GALNT13: variants seen among roughly 807,000 people sequenced by gnomAD.
The protein encoded by GALNT13 is polypeptide N-acetylgalactosaminyltransferase 13.
In GALNT13, 28 loss-of-function variants were observed where a neutral mutation model predicts 64.2. That is an observed-to-expected ratio of 0.44 (90% CI 0.32 to 0.60). The LOEUF is 0.60. GALNT13 is among the 20% of genes least tolerant of loss of function. GALNT13 has a pLI of 0.05. For missense variants in GALNT13, 577 were observed against 669.8 expected (o/e 0.86, Z 1.53); for synonymous variants, 214 against 224.6 (o/e 0.95, Z 0.42).
intron 12 of GALNT13, among the ~76,000 whole-genome samples, chr2:154,447,889 A>G (rs899945316): frequency 3.3e-5 from 5 of 152,062 alleles, no homozygotes; most frequent in Admixed American, 1.3e-4. Flanking sequence ...GTGCCAAAAA[A>G]GGAAGCTTAG....
intron 9 of GALNT13, among the ~76,000 whole-genome samples, chr2:154,341,316 G>A (rs985496937): frequency 6.6e-5 from 10 of 152,036 alleles, no homozygotes; most frequent in Non-Finnish European, 1.3e-4. Flanking sequence ...CTATGCTCTT[G>A]TATAGAGTTC....
At chr2:153,868,878 T>C (rs919865042), upstream of GALNT13, among the ~76,000 whole-genome samples, 1 of 152,192 alleles carries the variant, frequency 6.6e-6, no homozygotes, top group African/African-American at 2.4e-5. Flanking sequence ...ACTTTCTGTT[T>C]GAAAAAATAT....
the GALNT13 span, among the ~76,000 whole-genome samples, chr2:153,511,388 C>T: frequency 6.6e-6 from 1 of 151,886 alleles, no homozygotes; most frequent in African/African-American, 2.4e-5. Flanking sequence ...GGATGGGTAA[C>T]AGGTGAGAAA....
intron 9 of GALNT13, among the ~76,000 whole-genome samples, chr2:154,388,751 A>G (rs1417142194): frequency 1.3e-5 from 2 of 152,162 alleles, no homozygotes; most frequent in Non-Finnish European, 2.9e-5. Context: ...GAAGTTCATA[A>G]TTACAATTAC....
At chr2:153,411,052 C>T in the GALNT13 span, among the ~76,000 whole-genome samples, 32 of 151,766 alleles carry the variant, frequency 2.1e-4, no homozygotes, top group Admixed American at 1.4e-3. Flanking sequence ...GATGAAGTTT[C>T]GCCATGTTGC....
At chr2:153,630,679 A>T in the GALNT13 span, among the ~76,000 whole-genome samples, 6 of 142,504 alleles carry the variant, frequency 4.2e-5, no homozygotes, top group East Asian at 2.1e-4. Flanking sequence ...TTAAAAAATT[A>T]AAAAAAATTA....
chr2:153,882,904 T>C (rs1212190322), intron 1 of GALNT13, among the ~76,000 whole-genome samples: 2 of 151,450 alleles, frequency 1.3e-5, no homozygotes, highest in African/African-American at 4.8e-5. Flanking sequence ...ATTTAAGATA[T>C]AATGTAGGAA....
At chr2:153,550,129 A>G in the GALNT13 span, among the ~76,000 whole-genome samples, 11 of 152,330 alleles carry the variant, frequency 7.2e-5, no homozygotes, top group African/African-American at 2.2e-4. Flanking sequence ...CTGGCTTCAC[A>G]AGATGGCAGC....
At chr2:153,085,786 C>A in the GALNT13 span, among the ~76,000 whole-genome samples, 2 of 152,124 alleles carry the variant, frequency 1.3e-5, no homozygotes, top group African/African-American at 4.8e-5. Context: ...TGGGGTATTG[C>A]CTAATGGAGC....
chr2:154,097,561 C>T (rs569757872), intron 3 of GALNT13, among the ~76,000 whole-genome samples: 17 of 151,970 alleles, frequency 1.1e-4, no homozygotes, highest in African/African-American at 3.6e-4. Context: ...TATTTTGCAA[C>T]TTAAAACTTT....
At chr2:154,314,812 C>A (rs1215127195) in intron 9 of GALNT13, among the ~76,000 whole-genome samples, 1 of 152,180 alleles carries the variant, frequency 6.6e-6, no homozygotes, top group East Asian at 1.9e-4. Context: ...CTACTTCCAA[C>A]ATTGGGGATC....
At chr2:154,099,422 T>G (rs978929534) in intron 3 of GALNT13, among the ~76,000 whole-genome samples, 13 of 152,292 alleles carry the variant, frequency 8.5e-5, no homozygotes, top group African/African-American at 3.1e-4. Context: ...TTTAGTTTAC[T>G]TAAGTCCCAT....
the GALNT13 span, among the ~76,000 whole-genome samples, chr2:153,307,197 A>C: frequency 6.6e-6 from 1 of 152,238 alleles, no homozygotes; most frequent in Admixed American, 6.5e-5. Context: ...AACCTGGAAC[A>C]AGTATTTGCA....
intron 9 of GALNT13, among the ~76,000 whole-genome samples, chr2:154,334,690 T>A (rs1695346069): frequency 6.6e-6 from 1 of 152,018 alleles, no homozygotes; most frequent in Non-Finnish European, 1.5e-5. Context: ...TTTGTGTATA[T>A]CTCTCCGTTC....
the GALNT13 span, among the ~76,000 whole-genome samples, chr2:153,133,515 C>G: frequency 2.6e-5 from 4 of 152,096 alleles, no homozygotes; most frequent in African/African-American, 9.6e-5. Flanking sequence ...TTCAATTTTT[C>G]TCACCCATTT....
intron 3 of GALNT13, among the ~76,000 whole-genome samples, chr2:153,983,877 T>C (rs1196459685): frequency 6.6e-6 from 1 of 151,934 alleles, no homozygotes; most frequent in Non-Finnish European, 1.5e-5. Context: ...CTGGAGAAAA[T>C]ACTGTGCTTC....
At chr2:153,091,735 G>T in the GALNT13 span, among the ~76,000 whole-genome samples, 4 of 152,152 alleles carry the variant, frequency 2.6e-5, no homozygotes, top group Non-Finnish European at 5.9e-5. Flanking sequence ...ATGTAGTCTG[G>T]TTATTAATCC....
intron 3 of GALNT13, among the ~76,000 whole-genome samples, chr2:154,125,172 A>AT (rs1682183527): frequency 6.6e-6 from 1 of 152,216 alleles, no homozygotes; most frequent in Non-Finnish European, 1.5e-5. Context: ...TGAGCACAGC[A>AT]TAAGTGTTAC....
chr2:153,956,138 A>T (rs886751449), intron 3 of GALNT13, among the ~76,000 whole-genome samples: 1 of 152,236 alleles, frequency 6.6e-6, no homozygotes, highest in African/African-American at 2.4e-5. Context: ...ATAGCATAGA[A>T]CTAAGTTATG....
Sources: allele counts gnomAD v4.1 joint callset (sites outside exome capture counted in the v4.1 genomes callset), GRCh38; gene constraint gnomAD v4.1.1; transcripts MANE v1.5; gene names NCBI Gene and HGNC (gene_info 2026-07-23, HGNC 2026-07-21).